LRRIQ1: variants seen among roughly 807,000 people sequenced by gnomAD.
The protein encoded by LRRIQ1 is leucine rich repeats and IQ motif containing 1.
Under a neutral mutation model 211.9 loss-of-function variants are expected in LRRIQ1, and 210 were observed. The ratio of observed to expected loss-of-function variants is 0.99; its 90% CI spans 0.89 to 1.11. The LOEUF (loss-of-function observed/expected upper bound fraction) is 1.11, where lower values mean the gene tolerates loss of function less well. LRRIQ1 is among the 50% of genes most tolerant of loss of function. The pLI is 0.00. For synonymous variants in LRRIQ1, 699 were observed against 650.1 expected, an observed-to-expected ratio of 1.08 and a Z score of -1.14; for missense variants, 2,136 against 1,939.5, an observed-to-expected ratio of 1.10 and a Z score of -1.90.
intron 13 of LRRIQ1, among the ~76,000 whole-genome samples, chr12:85,102,949 A>ATATATATATATAT (rs1565834028): frequency 5.6e-5 from 6 of 106,218 alleles, no homozygotes; most frequent in East Asian, 7.9e-4. Context: ...TGTGGCAAAA[A>ATATATATATATAT]AAAAAAAAAA....
chr12:85,078,755 A>G (rs1316404653), intron 11 of LRRIQ1, among the ~76,000 whole-genome samples: 1 of 152,162 alleles, frequency 6.6e-6, no homozygotes, highest in African/African-American at 2.4e-5. Context: ...ACTGTTTTAC[A>G]TTCTCAGAAA....
chr12:85,180,222 G>A (rs1891909297), intron 24 of LRRIQ1, among the ~76,000 whole-genome samples: 1 of 151,808 alleles, frequency 6.6e-6, no homozygotes, highest in East Asian at 1.9e-4. Flanking sequence ...CAACTGTGAG[G>A]TTATGGACCC....
At position 85,098,959 on chromosome 12, in the gene LRRIQ1, G is replaced by C. The variant is rs1276447447; in HGVS notation, c.3174G>C (p.Leu1058=). The C allele has an allele frequency of 6.4e-7, 1 of 1,571,562 alleles. No individual in the cohort carries two copies. Residue 1058 remains leucine (L), a synonymous_variant, in exon 13 of 27, where the codon CTG becomes CTC. Transcript: ENST00000393217. ...TGGAAGCATTTTCTTCATACTGGCTGCCTTTACTACAAAATATTACTATCT... is the reference window on the plus strand; with the variant it reads ...TGGAAGCATTTTCTTCATACTGGCTCCCTTTACTACAAAATATTACTATCT... ...STVEAFSSYW[L]PLLQNITISQ...
chr12:85,103,231 CAATA>C (rs1029794215), intron 13 of LRRIQ1, among the ~76,000 whole-genome samples: 1 of 150,382 alleles, frequency 6.6e-6, no homozygotes, highest in Non-Finnish European at 1.5e-5. Flanking sequence ...ACTTAGAAGA[CAATA>C]AAAACCTTTA....
Position 85,106,555 on chromosome 12 carries a change from G to A in LRRIQ1, c.3317G>A (p.Cys1106Tyr), listed in dbSNP as rs935726809. Reference protein sequence around the residue: ...LKSAIKWFDACYSLHELSLTG... With the variant: ...LKSAIKWFDAYYSLHELSLTG... ...AGTGCCATAAAATGGTTTGATGCAT[G>A]CTATTCTCTCCATGAATTGTCTCTT... Residue 1106 changes from cysteine to tyrosine, a missense_variant, in exon 15 of 27, where the codon TGC becomes TAC. Coordinates refer to ENST00000393217, the MANE Select transcript of LRRIQ1 (RefSeq NM_001079910.2). 2 of 1,611,866 alleles carry A rather than the reference G, an allele frequency of 1.2e-6. No homozygotes were observed. Among genetic ancestry groups the A allele is most frequent in the Non-Finnish European group, 1.7e-6 (2 of 1,179,092 alleles).
chr12:85,143,478 A>G (rs934092318), intron 19 of LRRIQ1, among the ~76,000 whole-genome samples: 11 of 151,270 alleles, frequency 7.3e-5, no homozygotes, highest in East Asian at 1.9e-4. Flanking sequence ...CCATTTGTCT[A>G]TTTTTTGCTT....
chr12:85,147,202 G>A (rs1034417017), intron 19 of LRRIQ1, among the ~76,000 whole-genome samples: 2 of 151,804 alleles, frequency 1.3e-5, no homozygotes, highest in African/African-American at 4.8e-5. Context: ...TAACCTAAAA[G>A]ATATTAACAG....
chr12:85,042,150 A>T (rs976706411), intron 3 of LRRIQ1, among the ~76,000 whole-genome samples: 6 of 151,932 alleles, frequency 3.9e-5, no homozygotes, highest in Non-Finnish European at 7.4e-5. Context: ...CAAGGAAAAC[A>T]CAATTGTAGA....
intron 24 of LRRIQ1, among the ~76,000 whole-genome samples, chr12:85,197,969 AAT>A (rs1491534256): frequency 2.8e-5 from 3 of 108,100 alleles, no homozygotes; most frequent in African/African-American, 3.8e-5. Context: ...ATTATATATA[AAT>A]ATATATAATT....
At chr12:85,109,312 T>C (rs1887004847) in intron 15 of LRRIQ1, among the ~76,000 whole-genome samples, 1 of 152,142 alleles carries the variant, frequency 6.6e-6, no homozygotes, top group Non-Finnish European at 1.5e-5. Flanking sequence ...GGTAGAAGCA[T>C]TTTTACACTA....
At position 85,244,776 on chromosome 12, in the gene LRRIQ1, C is replaced by T. The variant is rs1199070656; in HGVS notation, c.5017-13C>T. On this transcript the variant is annotated splice_polypyrimidine_tract_variant and intron_variant, in intron 26 of 26. Coordinates refer to ENST00000393217, the MANE Select transcript of LRRIQ1 (RefSeq NM_001079910.2). ...GTTTCATGATTGTATACATTCTCTTCCATTGCTCCCAGGCAAGACTTGTAA... is the reference window on the plus strand; with the variant it reads ...GTTTCATGATTGTATACATTCTCTTTCATTGCTCCCAGGCAAGACTTGTAA... 1 of 1,609,150 alleles carries T rather than the reference C, an allele frequency of 6.2e-7. No homozygotes were observed. The highest frequency in any genetic ancestry group is 1.1e-5 in the South Asian group (1 of 90,860).
chr12:85,107,045 G>A (rs886130044), intron 15 of LRRIQ1, among the ~76,000 whole-genome samples: 6 of 151,986 alleles, frequency 3.9e-5, no homozygotes, highest in African/African-American at 1.2e-4. Flanking sequence ...AAAAGTTTGT[G>A]TTATAAGCAT....
At chr12:85,152,849 C>T (rs1418344189) in intron 20 of LRRIQ1, among the ~76,000 whole-genome samples, 175 bp from the exon 21 acceptor site, 1 of 151,492 alleles carries the variant, frequency 6.6e-6, no homozygotes, top group Non-Finnish European at 1.5e-5. Context: ...ATAATTTCCA[C>T]CACTACAACA....
At chr12:85,164,659 A>G (rs140557890) in intron 24 of LRRIQ1, among the ~76,000 whole-genome samples, 1 of 152,288 alleles carries the variant, frequency 6.6e-6, no homozygotes, top group African/African-American at 2.4e-5. Flanking sequence ...ACTTTGAGAA[A>G]GGTATTATGA....
intron 26 of LRRIQ1, among the ~76,000 whole-genome samples, chr12:85,243,201 G>T (rs1356251345): frequency 2.2e-5 from 3 of 139,324 alleles, no homozygotes; most frequent in African/African-American, 5.1e-5. Flanking sequence ...ACTTTTGACT[G>T]TTTTTTTTTT....
Position 85,098,903 on chromosome 12 carries a change from T to C in LRRIQ1, c.3118T>C (p.Leu1040=). ...GGAGAATCTTGTTTTACTAAGAGAA[T>C]TGCACTTGGATGATAACAGCATTTC... is the stretch of plus-strand genomic sequence containing the variant. ...SLENLVLLRE[L]HLDDNSISTV... The change falls in exon 13 of 27, where the codon TTG becomes CTG. Residue 1040 remains leucine, a synonymous_variant. Transcript: ENST00000393217. The C allele has an allele frequency of 1.3e-6, 2 of 1,566,500 alleles. No homozygotes were observed. Among genetic ancestry groups the C allele is most frequent in the Non-Finnish European group, 1.7e-6 (2 of 1,155,216 alleles).
rs770707040 is a variant in LRRIQ1, at chr12:85,056,076, A to G, written c.1283A>G (p.Asp428Gly). ...DKGDIAKNLVDENSKKQEDVL... is the reference protein window; with the variant it reads ...DKGDIAKNLVGENSKKQEDVL... ...GGTGATATAGCCAAAAATCTAGTGGATGAAAATTCAAAGAAGCAGGAAGAT... is the reference window on the plus strand; with the variant it reads ...GGTGATATAGCCAAAAATCTAGTGGGTGAAAATTCAAAGAAGCAGGAAGAT... Residue 428 changes from aspartate to glycine, a missense_variant, in exon 8 of 27, where the codon GAT becomes GGT. Asp to Gly is a moderately conservative substitution (Grantham distance 94). Coordinates refer to ENST00000393217, the MANE Select transcript of LRRIQ1 (RefSeq NM_001079910.2). The G allele has an allele frequency of 2.6e-5, 41 of 1,594,184 alleles. No individual in the cohort carries two copies. The highest frequency in any genetic ancestry group is 1.7e-4 in the Middle Eastern group (1 of 5,944).
intron 1 of LRRIQ1, among the ~76,000 whole-genome samples, chr12:85,254,714 G>A (rs997454484): frequency 2.6e-5 from 4 of 151,974 alleles, no homozygotes; most frequent in African/African-American, 9.7e-5. Context: ...TAGAGAAAAT[G>A]TCATTTAGAA....
intron 14 of LRRIQ1, among the ~76,000 whole-genome samples, chr12:85,105,649 G>C (rs1565836175): frequency 6.6e-6 from 1 of 151,950 alleles, no homozygotes; most frequent in South Asian, 2.1e-4. Context: ...CAGTAAGTCA[G>C]GGTGTTGTTG....
Sources: gnomAD v4.1 joint callset for allele counts (sites outside exome capture counted in the v4.1 genomes callset) on GRCh38, gnomAD v4.1.1 for gene constraint, MANE v1.5 for transcripts, NCBI Gene and HGNC (gene_info 2026-07-23, HGNC 2026-07-21) for gene names.